The following COL4A5 variants were observed in gnomAD, a reference collection of about 807,000 sequenced individuals.
The protein encoded by COL4A5 is collagen alpha-5(IV) chain.
In COL4A5, 26 loss-of-function variants were observed where a neutral mutation model predicts 130.2. The ratio of observed to expected loss-of-function variants is 0.20; its 90% CI spans 0.15 to 0.28. COL4A5 has a LOEUF of 0.28. COL4A5 is among the 10% of genes least tolerant of loss of function. The pLI, the probability that COL4A5 is intolerant of heterozygous loss-of-function variation, is 1.00. For missense variants in COL4A5, 1,131 were observed against 1,344.3 expected, an observed-to-expected ratio of 0.84 and a Z score of 2.48; for synonymous variants, 496 against 439.6, an observed-to-expected ratio of 1.13 and a Z score of -1.60.
rs905913294 is a variant in COL4A5, at chrX:108,583,587, G to C, written c.990+650G>C. Among the ~76,000 whole-genome samples, 3 of 111,434 alleles carry C rather than the reference G, an allele frequency of 2.7e-5. No homozygotes were observed. The East Asian group carries it at 8.4e-4, about 31-fold the overall frequency. On this transcript the variant is annotated intron_variant, in intron 17 of 52. Transcript: ENST00000328300. The stretch of plus-strand genomic sequence containing the variant: ...TGGTTTTTCAGGCAAGGAAGGAAAG[G>C]CGTTACAAACTTGAATGTACCCAGA...
At chrX:108,479,898 G>T (rs910600282) in intron 1 of COL4A5, among the ~76,000 whole-genome samples, 5 of 111,705 alleles carry the variant, frequency 4.5e-5, no homozygotes, top group African/African-American at 1.6e-4. Flanking sequence ...AAGGAGAGTA[G>T]TTTTTTGCAG....
At chrX:108,462,034 G>C (rs2064659294) in intron 1 of COL4A5, among the ~76,000 whole-genome samples, 2 of 111,696 alleles carry the variant, frequency 1.8e-5, no homozygotes, top group Non-Finnish European at 1.9e-5. Context: ...GCTCTTTTTG[G>C]GTAGAATATT....
chrX:108,454,455 T>G (rs1428087675), intron 1 of COL4A5, among the ~76,000 whole-genome samples: 1 of 110,824 alleles, frequency 9.0e-6, no homozygotes, highest in Non-Finnish European at 1.9e-5. Flanking sequence ...TTTTTTATTT[T>G]TAGTAGAGGC....
At chrX:108,635,211 A>G (rs1183189756) in intron 36 of COL4A5, among the ~76,000 whole-genome samples, 3 of 111,072 alleles carry the variant, frequency 2.7e-5, no homozygotes, top group Non-Finnish European at 5.7e-5. Flanking sequence ...TACCTTGTCC[A>G]TAAAAAGTGG....
chrX:108,481,799 C>T (rs2064895463), intron 1 of COL4A5, among the ~76,000 whole-genome samples: 1 of 111,554 alleles, frequency 9.0e-6, no homozygotes, highest in Non-Finnish European at 1.9e-5. Flanking sequence ...TTACAGGGCT[C>T]TTTGAAGATG....
chrX:108,591,258 T>C, intron 20 of COL4A5, 27 bp downstream of exon 20: 1 of 1,187,634 alleles, frequency 8.4e-7, no homozygotes, highest in Non-Finnish European at 1.1e-6. Flanking sequence ...TCCTATTAAG[T>C]TCTATTTTTG....
chrX:108,670,725 T>A, intron 42 of COL4A5: 1 of 329,360 alleles, frequency 3.0e-6, no homozygotes, highest in South Asian at 2.6e-5. Context: ...GTCACAAAGT[T>A]CTCAATTCTA....
At chrX:108,449,121 C>T (rs1374862681) in intron 1 of COL4A5, among the ~76,000 whole-genome samples, 5 of 111,991 alleles carry the variant, frequency 4.5e-5, no homozygotes, top group Admixed American at 9.5e-5. Context: ...AAGTGGTATA[C>T]GGACATAAAC....
At chrX:108,495,780 C>A (rs780999352) in intron 1 of COL4A5, among the ~76,000 whole-genome samples, 95 of 112,319 alleles carry the variant, frequency 8.5e-4, no homozygotes, top group African/African-American at 2.9e-3. Context: ...CCTGTCAGTG[C>A]CCAATGGGCT....
In COL4A5 at chrX:108,668,346, G is replaced by A. The variant is rs104886247; in HGVS notation, c.3632G>A (p.Gly1211Glu). The change falls in exon 41 of 53, where the codon GGG becomes GAG. Residue 1211 changes from glycine (G) to glutamate (E), a missense_variant. Coordinates refer to ENST00000328300, the MANE Select transcript of COL4A5 (RefSeq NM_033380.3). ...SGQKGDGGLP[G>E]IPGNPGLPGP... is the part of the protein sequence containing the mutation. ...CAAAAGGGTGATGGAGGATTACCTG[G>A]GATTCCAGGAAATCCTGGCCTTCCA... 8.3e-7 allele frequency: 1 copy of A among 1,210,962 alleles called. No individual in the cohort carries two copies. Among genetic ancestry groups the A allele is most frequent in the Non-Finnish European group, 1.1e-6 (1 of 895,215 alleles).
intron 1 of COL4A5, among the ~76,000 whole-genome samples, chrX:108,534,669 T>C (rs961817196): frequency 1.8e-5 from 2 of 111,408 alleles, no homozygotes; most frequent in African/African-American, 6.5e-5. Context: ...CTGGCTTTGA[T>C]TATTGCTTCT....
chrX:108,588,265 C>T (rs765265845), intron 19 of COL4A5, among the ~76,000 whole-genome samples: 2 of 110,999 alleles, frequency 1.8e-5, no homozygotes, highest in African/African-American at 6.5e-5. Context: ...TTCAAAAATA[C>T]GTGGCTAATG....
chrX:108,585,208 C>T (rs2066316312), intron 18 of COL4A5, among the ~76,000 whole-genome samples: 1 of 112,041 alleles, frequency 8.9e-6, no homozygotes, highest in Admixed American at 9.5e-5. Flanking sequence ...AGACTCTTGA[C>T]TTCAAACTGC....
In COL4A5 at chrX:108,571,420, G is replaced by T; in HGVS notation, c.392G>T (p.Arg131Leu). ...IPGCNGTKGE[R>L]GFPGSPGFPG... ...ATTTTTAACTCCTTCTAGGGAGAACGTGGATTTCCAGGCAGTCCCGGTTTT... is the reference window on the plus strand; with the variant it reads ...ATTTTTAACTCCTTCTAGGGAGAACTTGGATTTCCAGGCAGTCCCGGTTTT... Residue 131 changes from arginine to leucine, a missense_variant, in exon 7 of 53, where the codon CGT (arginine) becomes CTT (leucine). Transcript: ENST00000328300. 8.3e-7 allele frequency: 1 copy of T among 1,201,329 alleles called. No individual in the cohort carries two copies.
chrX:108,495,784 A>G (rs867218360), intron 1 of COL4A5, among the ~76,000 whole-genome samples: 32 of 112,368 alleles, frequency 2.8e-4, no homozygotes, highest in Admixed American at 7.5e-4. Context: ...TCAGTGCCCA[A>G]TGGGCTCATG....
intron 36 of COL4A5, among the ~76,000 whole-genome samples, chrX:108,637,047 A>G (rs1269699119): frequency 1.9e-5 from 2 of 106,304 alleles, no homozygotes; most frequent in Non-Finnish European, 3.9e-5. Context: ...GGCTCAAGCA[A>G]TTCTCATGCC....
At chrX:108,615,070 C>A in intron 30 of COL4A5, 46 bp downstream of exon 30, 1 of 892,885 alleles carries the variant, frequency 1.1e-6, no homozygotes, top group Non-Finnish European at 1.6e-6. Flanking sequence ...ATAATATATA[C>A]ATTTGTTAGC....
At chrX:108,473,601 A>ATATATATATG (rs1233535153) in intron 1 of COL4A5, among the ~76,000 whole-genome samples, 2 of 58,949 alleles carry the variant, frequency 3.4e-5, no homozygotes, top group African/African-American at 6.0e-5. Context: ...AGTTTTATAT[A>ATATATATATG]TATATATATA....
At chrX:108,516,685 C>A (rs2065224273) in intron 1 of COL4A5, among the ~76,000 whole-genome samples, 1 of 111,959 alleles carries the variant, frequency 8.9e-6, no homozygotes, top group Admixed American at 9.5e-5. Flanking sequence ...GGAAGTAAAT[C>A]ATTCTAAATG....
Sources: allele counts gnomAD v4.1 joint callset (sites outside exome capture counted in the v4.1 genomes callset), GRCh38; gene constraint gnomAD v4.1.1; transcripts MANE v1.5; gene names NCBI Gene and HGNC (gene_info 2026-07-23, HGNC 2026-07-21).